The following KAZN variants were observed in gnomAD, a reference collection of about 807,000 sequenced individuals.
The protein encoded by KAZN is kazrin, periplakin interacting protein.
KAZN carries 40 observed loss-of-function variants against 87.4 expected under a neutral mutation model. The observed-to-expected ratio is 0.46, with a 90% CI of 0.36 to 0.60. KAZN has a LOEUF of 0.60. Ranked by LOEUF, KAZN falls within the 20% of genes least tolerant of loss-of-function variation. The probability of loss-of-function intolerance (pLI) is 0.00; values close to 1 mark genes in which losing one functional copy is unlikely to be tolerated. For synonymous variants in KAZN, 466 were observed against 458.3 expected (o/e 1.02, Z -0.22); for missense variants, 898 against 1,073.9 (o/e 0.84, Z 2.29).
At chr1:14,040,048 C>T (rs34150788) in intron 1 of KAZN, among the ~76,000 whole-genome samples, 24,030 of 150,590 alleles carry the variant, frequency 0.16, 2,318 homozygotes, top group Non-Finnish European at 0.23. Flanking sequence ...TGTGTGTGCA[C>T]GTGTGTGTGT....
chr1:14,023,744 A>G (rs372063786), intron 1 of KAZN, among the ~76,000 whole-genome samples: 11 of 152,202 alleles, frequency 7.2e-5, no homozygotes, highest in African/African-American at 1.9e-4. Flanking sequence ...GACAGGAACC[A>G]AACCCTCAGA....
intron 2 of KAZN, among the ~76,000 whole-genome samples, chr1:14,487,689 GGAGGCTAGAGTGGT>G (rs1271294897): frequency 6.6e-6 from 1 of 152,230 alleles, no homozygotes; most frequent in African/African-American, 2.4e-5. Context: ...AATACCTTTC[GGAGGCTAGAGTGGT>G]TGTCCAGGAG....
chr1:14,147,635 A>T (rs938059714), intron 1 of KAZN, among the ~76,000 whole-genome samples: 2 of 152,008 alleles, frequency 1.3e-5, no homozygotes, highest in South Asian at 2.1e-4. Flanking sequence ...CTACTAAAAA[A>T]ATATATAAAA....
At chr1:14,194,802 A>G (rs562532510) in intron 2 of KAZN, among the ~76,000 whole-genome samples, 10 of 152,262 alleles carry the variant, frequency 6.6e-5, no homozygotes, top group African/African-American at 2.4e-4. Flanking sequence ...GACATGAGCC[A>G]CCACTTTCTA....
At chr1:14,587,390 T>C (rs543397198) in intron 2 of KAZN, among the ~76,000 whole-genome samples, 6 of 150,192 alleles carry the variant, frequency 4.0e-5, no homozygotes, top group African/African-American at 1.5e-4. Context: ...GAGCCGAGAT[T>C]GTGCCACTGC....
intron 1 of KAZN, among the ~76,000 whole-genome samples, chr1:13,979,824 G>A (rs1033406674): frequency 6.6e-6 from 1 of 151,554 alleles, no homozygotes; most frequent in African/African-American, 2.4e-5. Flanking sequence ...CCAGCTACTC[G>A]GGAGGCTGAG....
chr1:15,059,991 C>T (rs1213021138), intron 5 of KAZN, among the ~76,000 whole-genome samples, 181 bp from the exon 6 acceptor site: 1 of 152,172 alleles, frequency 6.6e-6, no homozygotes, highest in East Asian at 1.9e-4. Context: ...CCAGCAGCTG[C>T]TCTATGGGAA....
intron 2 of KAZN, among the ~76,000 whole-genome samples, chr1:14,388,763 G>A (rs1342073746): frequency 6.6e-6 from 1 of 151,990 alleles, no homozygotes; most frequent in Non-Finnish European, 1.5e-5. Flanking sequence ...AAAACATTAG[G>A]GAAACTCTCC....
chr1:15,090,824 T>C (rs900764172), intron 8 of KAZN, among the ~76,000 whole-genome samples: 1 of 152,150 alleles, frequency 6.6e-6, no homozygotes, highest in African/African-American at 2.4e-5. Context: ...CAGCAGAGAA[T>C]GGTACCGGGT....
At chr1:14,041,627 T>C (rs1462881785) in intron 1 of KAZN, among the ~76,000 whole-genome samples, 1 of 152,212 alleles carries the variant, frequency 6.6e-6, no homozygotes, top group African/African-American at 2.4e-5. Flanking sequence ...ACAGATTTTA[T>C]CCTGGGGTCT....
chr1:14,383,895 T>C (rs1196769523), intron 2 of KAZN, among the ~76,000 whole-genome samples: 2 of 151,978 alleles, frequency 1.3e-5, no homozygotes, highest in Non-Finnish European at 2.9e-5. Context: ...AATCTGTAAA[T>C]TACCTTGGGC....
intron 2 of KAZN, among the ~76,000 whole-genome samples, chr1:14,421,052 C>T (rs1053127677): frequency 1.3e-5 from 2 of 152,218 alleles, no homozygotes; most frequent in East Asian, 1.9e-4. Context: ...GCGTGGAGAG[C>T]GAGAGAGGGC....
In KAZN at chr1:14,416,188, C is replaced by G. The variant is rs76018836; in HGVS notation, c.250-182795C>G. 1.0e-2 allele frequency among the ~76,000 whole-genome samples: 1,520 copies of G among 152,266 alleles called. 10 individuals are homozygous for G. The highest frequency in any genetic ancestry group is 0.015 in the Admixed American group (223 of 15,294). ...GTGCCTCATTCAGGGATTCCCTGGA[C>G]AGAATTAGGAGCTAAGCACCCCCTG... On this transcript the variant is annotated intron_variant, in intron 2 of 16. Coordinates refer to the KAZN transcript ENST00000636203.
At chr1:15,022,654 A>G (rs1165484652) in intron 2 of KAZN, among the ~76,000 whole-genome samples, 1 of 152,190 alleles carries the variant, frequency 6.6e-6, no homozygotes, top group Non-Finnish European at 1.5e-5. Flanking sequence ...ATGTGGAAAC[A>G]TTGGGAGACA....
chr1:14,299,202 CAAAT>C (rs1445444578), intron 2 of KAZN, among the ~76,000 whole-genome samples: 2 of 152,066 alleles, frequency 1.3e-5, no homozygotes, highest in African/African-American at 4.8e-5. Flanking sequence ...AGAAACGAAA[CAAAT>C]AAAGAAAATC....
chr1:14,323,741 C>T (rs1229116804), intron 2 of KAZN, among the ~76,000 whole-genome samples: 3 of 152,184 alleles, frequency 2.0e-5, no homozygotes, highest in Non-Finnish European at 4.4e-5. Context: ...ATAGGATTTG[C>T]TGGACCACAT....
chr1:15,067,851 T>C, intron 8 of KAZN: 1 of 973,530 alleles, frequency 1.0e-6, no homozygotes, highest in Non-Finnish European at 1.2e-6. Context: ...ATACTTTTCT[T>C]GCCCATGAAT....
At chr1:14,219,082 C>T (rs1485064336) in intron 2 of KAZN, among the ~76,000 whole-genome samples, 1 of 152,054 alleles carries the variant, frequency 6.6e-6, no homozygotes, top group Non-Finnish European at 1.5e-5. Context: ...CTATAGGACA[C>T]ACTTGTTTTC....
At chr1:13,934,058 C>A (rs940494760) in intron 1 of KAZN, among the ~76,000 whole-genome samples, 2 of 152,174 alleles carry the variant, frequency 1.3e-5, no homozygotes, top group African/African-American at 4.8e-5. Flanking sequence ...ATGGAAATAG[C>A]CTGTACCAGT....
Sources: gnomAD v4.1 joint callset for allele counts (sites outside exome capture counted in the v4.1 genomes callset) on GRCh38, gnomAD v4.1.1 for gene constraint, MANE v1.5 for transcripts, NCBI Gene and HGNC (gene_info 2026-07-23, HGNC 2026-07-21) for gene names.